Variants in ZFPM2 observed in about 807,000 individuals in gnomAD.
ZFPM2 encodes the protein zinc finger protein, FOG family member 2.
In ZFPM2, 20 loss-of-function variants were observed where a neutral mutation model predicts 98.6. That is an observed-to-expected ratio of 0.20 (90% CI 0.14 to 0.29). The LOEUF (loss-of-function observed/expected upper bound fraction) is 0.29, where lower values mean the gene tolerates loss of function less well. ZFPM2 is among the 10% of genes least tolerant of loss of function. ZFPM2 has a pLI of 1.00. For synonymous variants in ZFPM2, 518 were observed against 502.7 expected, an observed-to-expected ratio of 1.03 and a Z score of -0.41; for missense variants, 1,310 against 1,388.6, an observed-to-expected ratio of 0.94 and a Z score of 0.90.
At chr8:105,461,968 C>T (rs1328745326) in intron 3 of ZFPM2, among the ~76,000 whole-genome samples, 10 of 152,100 alleles carry the variant, frequency 6.6e-5, no homozygotes, top group East Asian at 1.9e-4. Flanking sequence ...TCTTGATTGT[C>T]GCACTTATTA....
intron 3 of ZFPM2, among the ~76,000 whole-genome samples, chr8:105,485,307 G>T (rs1813209026): frequency 6.6e-6 from 1 of 151,358 alleles, no homozygotes; most frequent in South Asian, 2.1e-4. Flanking sequence ...TTGTTTGTTT[G>T]TTTGTTTGTT....
intron 4 of ZFPM2, among the ~76,000 whole-genome samples, chr8:105,578,438 T>A (rs1447122301): frequency 3.3e-5 from 5 of 152,096 alleles, no homozygotes; most frequent in African/African-American, 9.7e-5. Context: ...TTACTCCAGT[T>A]ACTCCAGTGA....
chr8:105,370,133 A>T (rs1209063332), intron 1 of ZFPM2, among the ~76,000 whole-genome samples: 4 of 152,180 alleles, frequency 2.6e-5, no homozygotes, highest in African/African-American at 9.7e-5. Context: ...GAAACAACTC[A>T]TTGAAATGAC....
chr8:105,710,839 T>C (rs1041196358), intron 5 of ZFPM2, among the ~76,000 whole-genome samples: 3 of 152,106 alleles, frequency 2.0e-5, no homozygotes, highest in Non-Finnish European at 2.9e-5. Flanking sequence ...TTCCTCATCA[T>C]TGAAGTGGTT....
In ZFPM2 at chr8:105,331,357, G is replaced by A. The variant is rs1812230583; in HGVS notation, c.40+12376G>A. On this transcript the variant is annotated intron_variant, in intron 1 of 7. Coordinates refer to ENST00000407775, the MANE Select transcript of ZFPM2 (RefSeq NM_012082.4). ...GAGTTTGGGATGCAGTGGCTGGACT[G>A]ATGAGTCTGACATTCACTTTGATGT... 2.0e-5 allele frequency among the ~76,000 whole-genome samples: 3 copies of A among 151,562 alleles called. No individual in the cohort carries two copies. The Admixed American group carries it at 2.0e-4, about 10-fold the overall frequency.
intron 3 of ZFPM2, among the ~76,000 whole-genome samples, chr8:105,458,257 A>G (rs1019312162): frequency 6.6e-6 from 1 of 152,208 alleles, no homozygotes. Context: ...GGTCACATAC[A>G]AGGAAGCAAA....
intron 5 of ZFPM2, among the ~76,000 whole-genome samples, chr8:105,653,353 T>C (rs777945497): frequency 1.3e-5 from 2 of 152,228 alleles, no homozygotes; most frequent in Non-Finnish European, 2.9e-5. Context: ...TGCCACTATA[T>C]GCCAGGTAGA....
At chr8:105,410,213 A>G (rs1264874831) in intron 1 of ZFPM2, among the ~76,000 whole-genome samples, 1 of 151,882 alleles carries the variant, frequency 6.6e-6, no homozygotes, top group Non-Finnish European at 1.5e-5. Flanking sequence ...TTCTTCTCTA[A>G]TTAAATGTTT....
intron 5 of ZFPM2, among the ~76,000 whole-genome samples, chr8:105,753,232 A>T (rs1416347658): frequency 6.6e-6 from 1 of 152,116 alleles, no homozygotes; most frequent in Non-Finnish European, 1.5e-5. Context: ...TAGGTTCCAG[A>T]GATCAGTAGC....
intron 1 of ZFPM2, among the ~76,000 whole-genome samples, chr8:105,376,263 T>C (rs1810723252): frequency 6.6e-6 from 1 of 152,190 alleles, no homozygotes; most frequent in South Asian, 2.1e-4. Context: ...TTTCTTCCCA[T>C]TTGAATGGCT....
At chr8:105,614,568 G>A (rs990147688) in intron 4 of ZFPM2, among the ~76,000 whole-genome samples, 1 of 151,984 alleles carries the variant, frequency 6.6e-6, no homozygotes, top group Non-Finnish European at 1.5e-5. Context: ...ACTTGTGCAG[G>A]CTTAACTCAG....
intron 2 of ZFPM2, among the ~76,000 whole-genome samples, chr8:105,425,975 AG>A (rs1218101001): frequency 6.6e-6 from 1 of 152,100 alleles, no homozygotes; most frequent in Non-Finnish European, 1.5e-5. Context: ...TATTACTTTT[AG>A]TTCAGAAAGT....
Position 105,802,513 on chromosome 8 carries a change from G to A in ZFPM2, c.2431G>A (p.Val811Ile), listed in dbSNP as rs373543663. The change falls in exon 8 of 8, where the codon GTT becomes ATT. Residue 811 changes from valine to isoleucine, a missense_variant. Coordinates refer to ENST00000407775, the MANE Select transcript of ZFPM2 (RefSeq NM_012082.4). Reference sequence around the variant, plus strand: ...TCTGACGATCAACAAGTGTGTTCCAGTTTCCAAATGTGATACTACTCATTC... The same window carrying A: ...TCTGACGATCAACAAGTGTGTTCCAATTTCCAAATGTGATACTACTCATTC... Reference protein sequence around the residue: ...TSLTINKCVPVSKCDTTHSSV... With the variant: ...TSLTINKCVPISKCDTTHSSV... 1 of 1,612,078 alleles carries A rather than the reference G, an allele frequency of 6.2e-7. No individual in the cohort carries two copies. Among genetic ancestry groups the A allele is most frequent in the Non-Finnish European group, 8.5e-7 (1 of 1,179,042 alleles).
chr8:105,617,939 C>A (rs1167524480), intron 4 of ZFPM2, among the ~76,000 whole-genome samples: 1 of 152,154 alleles, frequency 6.6e-6, no homozygotes, highest in East Asian at 1.9e-4. Context: ...TATGTTCGGT[C>A]TTTTCCCCTT....
intron 5 of ZFPM2, among the ~76,000 whole-genome samples, chr8:105,740,333 A>G (rs543435529): frequency 2.0e-5 from 3 of 152,088 alleles, no homozygotes; most frequent in Non-Finnish European, 2.9e-5. Context: ...TAATGTTGAC[A>G]TAGTACTGCT....
intron 5 of ZFPM2, among the ~76,000 whole-genome samples, chr8:105,756,725 G>C (rs1812606926): frequency 6.6e-6 from 1 of 151,230 alleles, no homozygotes; most frequent in African/African-American, 2.4e-5. Flanking sequence ...TAGCAAAGCA[G>C]AACCACTCAA....
chr8:105,764,286 TGACA>T (rs1464185934), intron 5 of ZFPM2, among the ~76,000 whole-genome samples: 2 of 90,486 alleles, frequency 2.2e-5, no homozygotes, highest in African/African-American at 9.2e-5. Context: ...TCTCTCTCTC[TGACA>T]CACACACACA....
chr8:105,423,715 A>T (rs966581179), intron 2 of ZFPM2, among the ~76,000 whole-genome samples: 1 of 152,152 alleles, frequency 6.6e-6, no homozygotes, highest in East Asian at 1.9e-4. Flanking sequence ...TAAGCAAACC[A>T]ATATGAACAG....
chr8:105,706,204 A>G (rs950802162), intron 5 of ZFPM2, among the ~76,000 whole-genome samples: 11 of 152,288 alleles, frequency 7.2e-5, no homozygotes, highest in African/African-American at 2.6e-4. Flanking sequence ...ATTGCTTTTA[A>G]AAGTTATGAA....
Sources: gnomAD v4.1 joint callset for allele counts (sites outside exome capture counted in the v4.1 genomes callset) on GRCh38, gnomAD v4.1.1 for gene constraint, MANE v1.5 for transcripts, NCBI Gene and HGNC (gene_info 2026-07-23, HGNC 2026-07-21) for gene names.